The following PID1 variants were observed in gnomAD, a reference collection of about 807,000 sequenced individuals.
PID1 encodes PTB-containing, cubilin and LRP1-interacting protein.
Under a neutral mutation model 19.1 loss-of-function variants are expected in PID1, and 10 were observed. That is an observed-to-expected ratio of 0.52 (90% CI 0.32 to 0.89). The LOEUF (loss-of-function observed/expected upper bound fraction) is 0.89. Among genes scored for constraint, PID1 ranks in the 40% least tolerant of loss-of-function variants. The pLI is 0.03. For missense variants in PID1, 248 were observed against 285.3 expected, an observed-to-expected ratio of 0.87 and a Z score of 0.94; for synonymous variants, 130 against 116.0, an observed-to-expected ratio of 1.12 and a Z score of -0.78.
At chr2:229,265,105 A>C (rs1218011473) in intron 1 of PID1, among the ~76,000 whole-genome samples, 1 of 152,238 alleles carries the variant, frequency 6.6e-6, no homozygotes, top group Admixed American at 6.5e-5. Context: ...TTGTGTCAAA[A>C]TTATTTATAA....
At chr2:229,139,111 GAAAGAGAAAGAA>G (rs1423054008) in intron 2 of PID1, among the ~76,000 whole-genome samples, 4 of 72,162 alleles carry the variant, frequency 5.5e-5, no homozygotes, top group Admixed American at 1.3e-4. Context: ...AAGAAAGAAA[GAAAGAGAAAGAA>G]AGAAAGAAAG....
chr2:229,071,024 C>T (rs112837358), intron 2 of PID1, among the ~76,000 whole-genome samples: 1 of 152,156 alleles, frequency 6.6e-6, no homozygotes, highest in Non-Finnish European at 1.5e-5. Flanking sequence ...TAGATTATAT[C>T]CCATAAAGTA....
intron 2 of PID1, among the ~76,000 whole-genome samples, chr2:229,082,692 C>G (rs1481220799): frequency 6.6e-6 from 1 of 152,152 alleles, no homozygotes; most frequent in African/African-American, 2.4e-5. Flanking sequence ...AAACAAGGAT[C>G]TCAGTCCTAC....
chr2:229,085,223 T>TAAAAA (rs200081184), intron 2 of PID1, among the ~76,000 whole-genome samples: 1 of 126,548 alleles, frequency 7.9e-6, no homozygotes, highest in Non-Finnish European at 1.7e-5. Flanking sequence ...CATATACTTG[T>TAAAAA]AAAAAAAAAA....
chr2:229,210,546 AAAAAAAAAC>A (rs1364412324), intron 1 of PID1, among the ~76,000 whole-genome samples: 13 of 148,388 alleles, frequency 8.8e-5, no homozygotes, highest in Non-Finnish European at 1.3e-4. Flanking sequence ...AAAAAAAAAA[AAAAAAAAAC>A]AACCTAGAAG....
At chr2:229,076,166 A>C (rs1249906237) in intron 2 of PID1, among the ~76,000 whole-genome samples, 1 of 152,172 alleles carries the variant, frequency 6.6e-6, no homozygotes, top group Non-Finnish European at 1.5e-5. Flanking sequence ...CTATATTTTT[A>C]ACAAGTTTTC....
At chr2:229,083,560 T>C (rs373564656) in intron 2 of PID1, among the ~76,000 whole-genome samples, 1 of 152,162 alleles carries the variant, frequency 6.6e-6, no homozygotes, top group East Asian at 1.9e-4. Context: ...CTGAAAAGGA[T>C]GACACCAGCA....
intron 2 of PID1, among the ~76,000 whole-genome samples, chr2:229,113,596 ATGTGTG>A (rs3083856): frequency 1.3e-4 from 19 of 142,040 alleles, no homozygotes; most frequent in African/African-American, 4.4e-4. Flanking sequence ...GTATGCATAT[ATGTGTG>A]TGTGTGTGTG....
chr2:229,069,599 C>A (rs1694411002), intron 2 of PID1, among the ~76,000 whole-genome samples: 1 of 152,134 alleles, frequency 6.6e-6, no homozygotes. Flanking sequence ...ATAACTTAGC[C>A]AACATATATT....
At chr2:229,053,149 T>C (rs982588112) in intron 2 of PID1, among the ~76,000 whole-genome samples, 2 of 152,158 alleles carry the variant, frequency 1.3e-5, no homozygotes, top group African/African-American at 4.8e-5. Flanking sequence ...GGCATATAAA[T>C]GTATGTAAAT....
At chr2:229,213,759 T>C (rs4973178) in intron 1 of PID1, among the ~76,000 whole-genome samples, 22,144 of 152,240 alleles carry the variant, frequency 0.15, 2,052 homozygotes, top group Admixed American at 0.24. Flanking sequence ...CAGATGTATA[T>C]AATTTCTGTC....
At chr2:229,048,723 A>C (rs1396298994) in intron 2 of PID1, among the ~76,000 whole-genome samples, 1 of 152,142 alleles carries the variant, frequency 6.6e-6, no homozygotes, top group Non-Finnish European at 1.5e-5. Flanking sequence ...AACTTTTCTA[A>C]ATGTAAAATT....
At chr2:229,130,913 C>T (rs148564292) in intron 2 of PID1, among the ~76,000 whole-genome samples, 12 of 152,306 alleles carry the variant, frequency 7.9e-5, no homozygotes, top group Non-Finnish European at 1.3e-4. Flanking sequence ...GAGCTCCTGG[C>T]AGTTACTGGC....
At chr2:229,065,720 A>AAAC (rs1483972516) in intron 2 of PID1, among the ~76,000 whole-genome samples, 3 of 150,766 alleles carry the variant, frequency 2.0e-5, no homozygotes, top group Non-Finnish European at 4.4e-5. Context: ...TACAAAAAAA[A>AAAC]AAAAAAAAAA....
intron 1 of PID1, among the ~76,000 whole-genome samples, chr2:229,221,429 C>A (rs960807774): frequency 3.3e-5 from 5 of 152,216 alleles, no homozygotes; most frequent in African/African-American, 1.2e-4. Context: ...CACCTAAAGA[C>A]TTTAGCCTTC....
At chr2:229,134,328 C>T (rs531796936) in intron 2 of PID1, among the ~76,000 whole-genome samples, 1 of 150,122 alleles carries the variant, frequency 6.7e-6, no homozygotes, top group African/African-American at 2.5e-5. Flanking sequence ...CAACTTCTGC[C>T]TCCCAGGCTC....
chr2:229,169,474 T>C (rs565495502), intron 1 of PID1, among the ~76,000 whole-genome samples: 2 of 152,344 alleles, frequency 1.3e-5, no homozygotes, highest in Admixed American at 6.5e-5. Context: ...TCTAGCTTCC[T>C]ACATCCTAGG....
chr2:229,083,129 T>C (rs769497490), intron 2 of PID1, among the ~76,000 whole-genome samples: 8 of 152,204 alleles, frequency 5.3e-5, no homozygotes, highest in Non-Finnish European at 1.0e-4. Context: ...CAAGAGATTG[T>C]AGGAACAATC....
rs1281446232 is a variant in PID1, at chr2:229,046,415, A to G, written c.178-20307T>C. Among the ~76,000 whole-genome samples, 4 of 145,342 alleles carry G rather than the reference A, an allele frequency of 2.8e-5. No individual in the cohort carries two copies. The East Asian group carries it at 6.1e-4, about 22-fold the overall frequency. On this transcript the variant is annotated intron_variant, in intron 2 of 2. Transcript: ENST00000392055. ...GTGTGTGTGAGTCAGGAGGGGGGGA[A>G]CCAAAAAACGCACTTTGTGGTAAAA...
Sources: gnomAD v4.1 joint callset for allele counts (sites outside exome capture counted in the v4.1 genomes callset) on GRCh38, gnomAD v4.1.1 for gene constraint, MANE v1.5 for transcripts, NCBI Gene and HGNC (gene_info 2026-07-23, HGNC 2026-07-21) for gene names.